Variants in FGF14 observed in about 807,000 individuals in gnomAD.
FGF14 encodes fibroblast growth factor homologous factor 4.
Under a neutral mutation model 25.5 loss-of-function variants are expected in FGF14, and 5 were observed. The ratio of observed to expected loss-of-function variants is 0.20; its 90% CI spans 0.10 to 0.41. FGF14 has a LOEUF of 0.41. Among genes scored for constraint, FGF14 ranks in the 10% least tolerant of loss-of-function variants. The pLI is 1.00. For missense variants in FGF14, 222 were observed against 320.1 expected (o/e 0.69, Z 2.34); for synonymous variants, 138 against 118.3 (o/e 1.17, Z -1.08).
intron 1 of FGF14, among the ~76,000 whole-genome samples, chr13:102,040,577 G>A (rs1332122176): frequency 1.3e-5 from 2 of 152,086 alleles, no homozygotes; most frequent in African/African-American, 4.8e-5. Flanking sequence ...ACAGTGAAAC[G>A]CTAGGAAAGC....
chr13:102,006,164 G>A (rs897768155), intron 1 of FGF14, among the ~76,000 whole-genome samples: 2 of 152,306 alleles, frequency 1.3e-5, no homozygotes, highest in South Asian at 4.1e-4. Flanking sequence ...TGGGGAAAAT[G>A]TTAACAAGGG....
At chr13:102,116,933 C>T (rs1594019195) in intron 1 of FGF14, among the ~76,000 whole-genome samples, 1 of 152,186 alleles carries the variant, frequency 6.6e-6, no homozygotes, top group Non-Finnish European at 1.5e-5. Flanking sequence ...GAATGATCAG[C>T]CCACTTGGGG....
chr13:102,253,370 C>T (rs1406282024), intron 1 of FGF14, among the ~76,000 whole-genome samples: 1 of 152,140 alleles, frequency 6.6e-6, no homozygotes, highest in Non-Finnish European at 1.5e-5. Context: ...TTCTAACTGG[C>T]ATGAAATGGT....
At chr13:102,145,375 T>C (rs948886673) in intron 1 of FGF14, among the ~76,000 whole-genome samples, 5 of 152,124 alleles carry the variant, frequency 3.3e-5, no homozygotes, top group African/African-American at 7.2e-5. Flanking sequence ...CTTGCACCCA[T>C]AGGGCTGAAG....
At chr13:101,954,064 A>C (rs2036352959) in intron 1 of FGF14, among the ~76,000 whole-genome samples, 1 of 152,216 alleles carries the variant, frequency 6.6e-6, no homozygotes, top group Non-Finnish European at 1.5e-5. Context: ...GGCTTGACAG[A>C]AAACTGTCCT....
At chr13:102,134,215 G>C (rs1034437657) in intron 1 of FGF14, among the ~76,000 whole-genome samples, 1 of 152,126 alleles carries the variant, frequency 6.6e-6, no homozygotes, top group African/African-American at 2.4e-5. Flanking sequence ...AAAAGCCTGT[G>C]AGAGAGAAGT....
intron 3 of FGF14, among the ~76,000 whole-genome samples, chr13:101,853,306 G>A (rs569259918): frequency 6.6e-6 from 1 of 152,136 alleles, no homozygotes; most frequent in African/African-American, 2.4e-5. Context: ...GGAGTGGCAA[G>A]GAAAGGGACT....
chr13:102,278,837 G>T (rs866601820), intron 1 of FGF14, among the ~76,000 whole-genome samples: 8 of 151,994 alleles, frequency 5.3e-5, no homozygotes, highest in Non-Finnish European at 8.8e-5. Context: ...ATCTGCCGAG[G>T]GTGCAATGAT....
chr13:102,141,077 G>C (rs1193100677), intron 1 of FGF14, among the ~76,000 whole-genome samples: 1 of 152,178 alleles, frequency 6.6e-6, no homozygotes, highest in African/African-American at 2.4e-5. Context: ...TAGTTTTTCA[G>C]AAAATATATT....
intron 1 of FGF14, among the ~76,000 whole-genome samples, chr13:102,230,820 T>C (rs965044553): frequency 1.3e-5 from 2 of 152,184 alleles, no homozygotes; most frequent in African/African-American, 4.8e-5. Flanking sequence ...AATGCAATAA[T>C]ATTACTGAAA....
At chr13:102,203,820 A>C (rs2049782546) in intron 1 of FGF14, among the ~76,000 whole-genome samples, 1 of 152,212 alleles carries the variant, frequency 6.6e-6, no homozygotes, top group Admixed American at 6.5e-5. Flanking sequence ...ATACAATTTA[A>C]TGTGATGAGA....
upstream of FGF14, among the ~76,000 whole-genome samples, chr13:101,919,045 A>AT (rs1336889564): frequency 4.6e-5 from 7 of 151,902 alleles, no homozygotes; most frequent in Non-Finnish European, 7.4e-5. Context: ...CTTTTCTTCC[A>AT]TTTTTTTGTG....
chr13:101,745,787 A>G lies in FGF14; in HGVS notation c.409-18977T>C, dbSNP rs561560403. On this transcript the variant is annotated intron_variant, in intron 3 of 4. Transcript: ENST00000376143. ...CTTGAAGAATAAAGCTTATATGGAG[A>G]GAAGAGTGGAGTGTAGGTGGGTTTC... is the stretch of plus-strand genomic sequence containing the variant. Among the ~76,000 whole-genome samples, 411 of 152,152 alleles carry G rather than the reference A, an allele frequency of 2.7e-3. 3 individuals are homozygous for G. The highest frequency in any genetic ancestry group is 9.3e-3 in the African/African-American group (385 of 41,516).
chr13:101,981,126 C>T (rs997545734), intron 1 of FGF14, among the ~76,000 whole-genome samples: 2 of 148,008 alleles, frequency 1.4e-5, no homozygotes, highest in Middle Eastern at 3.2e-3. Context: ...CACACACACA[C>T]ACAATTAGCC....
chr13:101,730,654 T>C lies in FGF14; in HGVS notation c.409-3844A>G, dbSNP rs527961032. Among the ~76,000 whole-genome samples the C allele has an allele frequency of 8.1e-4, 123 of 152,296 alleles. 2 individuals are homozygous for C. Among genetic ancestry groups the C allele is most frequent in the African/African-American group, 2.7e-3 (114 of 41,570 alleles). The stretch of plus-strand genomic sequence containing the variant: ...GTATGCTTTAGGAAAACAGATTGCA[T>C]TGAAAATGTCCAATAGGTAGAACTA... On this transcript the variant is annotated intron_variant, in intron 3 of 4. Transcript: ENST00000376143.
intron 3 of FGF14, among the ~76,000 whole-genome samples, chr13:101,861,456 A>G (rs1294629925): frequency 6.6e-6 from 1 of 152,142 alleles, no homozygotes; most frequent in Non-Finnish European, 1.5e-5. Flanking sequence ...CCATACCCAG[A>G]CAACCATGAA....
chr13:101,891,494 C>T (rs1181656005), intron 1 of FGF14, among the ~76,000 whole-genome samples: 1 of 152,150 alleles, frequency 6.6e-6, no homozygotes, highest in East Asian at 1.9e-4. Flanking sequence ...ATGCAGTCAC[C>T]ATGCTGGTTG....
chr13:101,843,321 A>G (rs1440055681), intron 3 of FGF14, among the ~76,000 whole-genome samples: 1 of 151,902 alleles, frequency 6.6e-6, no homozygotes, highest in African/African-American at 2.4e-5. Flanking sequence ...GTGTATTACA[A>G]TTTCATATTG....
intron 1 of FGF14, among the ~76,000 whole-genome samples, chr13:102,212,344 A>G (rs1394962693): frequency 6.6e-6 from 1 of 152,212 alleles, no homozygotes; most frequent in Admixed American, 6.5e-5. Context: ...CATCGAACAC[A>G]GTAAAGTCTA....
Sources: gnomAD v4.1 joint callset for allele counts (sites outside exome capture counted in the v4.1 genomes callset) on GRCh38, gnomAD v4.1.1 for gene constraint, MANE v1.5 for transcripts, NCBI Gene and HGNC (gene_info 2026-07-23, HGNC 2026-07-21) for gene names.